The following ALG6 variants were observed in gnomAD, a reference collection of about 807,000 sequenced individuals.
ALG6 encodes ALG6 alpha-1,3-glucosyltransferase, also known as dolichyl pyrophosphate Man9GlcNAc2 alpha-1,3-glucosyltransferase.
Under a neutral mutation model 66.6 loss-of-function variants are expected in ALG6, and 46 were observed. That is an observed-to-expected ratio of 0.69 (90% confidence interval 0.55 to 0.88). The LOEUF is 0.88. Ranked by LOEUF, ALG6 falls within the 40% of genes least tolerant of loss-of-function variation. ALG6 has a pLI of 0.00. For missense variants in ALG6, 505 were observed against 586.8 expected (o/e 0.86, Z 1.44); for synonymous variants, 185 against 203.7 (o/e 0.91, Z 0.78).
At chr1:63,393,171 C>A (rs1223786364) in intron 2 of ALG6, among the ~76,000 whole-genome samples, 1 of 152,194 alleles carries the variant, frequency 6.6e-6, no homozygotes, top group Non-Finnish European at 1.5e-5. Context: ...AAGCCATATT[C>A]AATGGTTGTA....
chr1:63,406,825 G>A (rs1337000215), intron 6 of ALG6, among the ~76,000 whole-genome samples: 1 of 151,984 alleles, frequency 6.6e-6, no homozygotes, highest in East Asian at 1.9e-4. Flanking sequence ...TACTTCCTCT[G>A]ACAAAACCTT....
In ALG6 at chr1:63,396,581, T is replaced by A. The variant is rs758344353; in HGVS notation, c.151T>A (p.Leu51Ile). Residue 51 changes from leucine to isoleucine, a missense_variant, in exon 3 of 15, where the codon TTA becomes ATA. Transcript: ENST00000263440. ...ACACTGGCAAGAAATAACTTTTAAT[T>A]TACCGGTCAAACAATGGTATGATAA... is the stretch of plus-strand genomic sequence containing the variant. ...QRHWQEITFN[L>I]PVKQWYFNSS... is the part of the protein sequence containing the mutation. The A allele has an allele frequency of 4.3e-6, 7 of 1,613,618 alleles. No individual in the cohort carries two copies. In the Admixed American group the frequency reaches 1.2e-4, roughly 27 times the overall value.
rs1054975653 is a variant in ALG6 at position 63,433,277 on chromosome 1, A to G, written c.1327-3546A>G. Among the ~76,000 whole-genome samples, 2 of 152,198 alleles carry G rather than the reference A, an allele frequency of 1.3e-5. No individual in the cohort carries two copies. Among genetic ancestry groups the G allele is most frequent in the African/African-American group, 4.8e-5 (2 of 41,448 alleles). On this transcript the variant is annotated intron_variant, in intron 14 of 14. Coordinates refer to ENST00000263440, the MANE Select transcript of ALG6 (RefSeq NM_013339.4). This position sits in a 1 kb window ranked among gnomAD's most constrained non-coding sequence, Gnocchi z 4.2. ...ACTTATTTATATTTTTGAGTACTAC[A>G]TAGAGGATTGCCCAAAGTACCCAGA...
Position 63,370,985 on chromosome 1 carries a change from A to G in ALG6, c.8A>G (p.Lys3Arg). 1 of 1,606,668 alleles carries G rather than the reference A, an allele frequency of 6.2e-7. No homozygotes were observed. Among genetic ancestry groups the G allele is most frequent in the Non-Finnish European group, 8.5e-7 (1 of 1,173,262 alleles). The change falls in exon 2 of 15, where the codon AAA becomes AGA. Residue 3 changes from lysine to arginine, a missense_variant. Lys to Arg is a conservative substitution (Grantham distance 26, BLOSUM62 2). Coordinates refer to ENST00000263440, the MANE Select transcript of ALG6 (RefSeq NM_013339.4). The part of the protein sequence containing the change: ME[K>R]WYLMTVVVLI... ...CCCTAAATTTGAAGAACTATGGAGA[A>G]ATGGTACTTGATGACAGTAGTGGTT...
rs1252927721 is a variant in ALG6, at chr1:63,415,961, A to G, written c.987+4A>G. On this transcript the variant is annotated splice_donor_region_variant and intron_variant, in intron 11 of 14. Coordinates refer to ENST00000263440, the MANE Select transcript of ALG6 (RefSeq NM_013339.4). The stretch of plus-strand genomic sequence containing the variant: ...CAAAGGATTCAAATTTACACTGGTA[A>G]GTTTTTCATTACTTTAGATACTTAA... The G allele has an allele frequency of 6.3e-7, 1 of 1,581,702 alleles. No individual in the cohort carries two copies. The highest frequency in any genetic ancestry group is 1.4e-5 in the African/African-American group (1 of 74,002).
chr1:63,405,320 A>T (rs1344980525), intron 5 of ALG6, among the ~76,000 whole-genome samples: 1 of 152,076 alleles, frequency 6.6e-6, no homozygotes, highest in Admixed American at 6.6e-5. Context: ...CAATATCCAT[A>T]CTTGCAGGGA....
At chr1:63,399,667 T>A (rs556512293) in intron 3 of ALG6, among the ~76,000 whole-genome samples, 18 of 152,166 alleles carry the variant, frequency 1.2e-4, no homozygotes, top group African/African-American at 4.1e-4. Flanking sequence ...TGAAACTGTT[T>A]CAGGCTAAAA....
At position 63,414,055 on chromosome 1, in the gene ALG6, T is replaced by C. The variant is rs1322259385; in HGVS notation, c.817-6T>C. The C allele has an allele frequency of 5.6e-6, 9 of 1,599,850 alleles. No individual in the cohort carries two copies. The highest frequency in any genetic ancestry group is 7.7e-6 in the Non-Finnish European group (9 of 1,167,638). On this transcript the variant is annotated splice_polypyrimidine_tract_variant and splice_region_variant and intron_variant, in intron 9 of 14. Transcript: ENST00000263440. ...CAGAATGTAAAGCTAACAAATCTCT[T>C]TTAAGGATAAAGTAGCCAATATTTG...
intron 4 of ALG6, among the ~76,000 whole-genome samples, chr1:63,402,863 G>T (rs1433202566): frequency 2.0e-5 from 3 of 151,066 alleles, no homozygotes; most frequent in African/African-American, 4.9e-5. Context: ...GTGGGAGGCC[G>T]AGGCGGGCGG....
intron 3 of ALG6, among the ~76,000 whole-genome samples, chr1:63,397,097 C>T (rs1648847640): frequency 6.6e-6 from 1 of 151,782 alleles, no homozygotes; most frequent in Non-Finnish European, 1.5e-5. Flanking sequence ...TTTTGATTCA[C>T]CTTTGAATAC....
At position 63,400,237 on chromosome 1, in the gene ALG6, A is replaced by T. The variant is rs1294787439; in HGVS notation, c.168-2017A>T. Among the ~76,000 whole-genome samples the T allele has an allele frequency of 2.2e-4, 4 of 18,094 alleles. 2 individuals are homozygous for T. The highest frequency in any genetic ancestry group is 1.6e-3 in the African/African-American group (4 of 2,504). 11.9% of individuals were successfully genotyped at this position (18,094 alleles called of 152,430 possible). A position where few individuals can be genotyped will look rare whatever the true frequency, so the allele number is the denominator to read the frequency against. ...TATATATATACGTATATATATATAT[A>T]TATATACGTATATATATGTATATAT... On this transcript the variant is annotated intron_variant, in intron 3 of 14. Transcript: ENST00000263440.
At chr1:63,427,700 G>C (rs1044916909) in intron 12 of ALG6, among the ~76,000 whole-genome samples, 3 of 151,664 alleles carry the variant, frequency 2.0e-5, no homozygotes, top group Non-Finnish European at 2.9e-5. Context: ...CTCCTTCTTT[G>C]AGCATTGCCA....
chr1:63,407,669 A>G (rs1326024676), intron 7 of ALG6, among the ~76,000 whole-genome samples: 2 of 152,094 alleles, frequency 1.3e-5, no homozygotes, highest in African/African-American at 4.8e-5. Flanking sequence ...GTATATATCT[A>G]TCTAATTTGT....
intron 2 of ALG6, among the ~76,000 whole-genome samples, chr1:63,387,567 A>G (rs1400458274): frequency 1.5e-5 from 1 of 67,608 alleles, no homozygotes; most frequent in Non-Finnish European, 2.6e-5. Context: ...TTTGAGACAG[A>G]GTCTTGCTCT....
intron 12 of ALG6, among the ~76,000 whole-genome samples, chr1:63,423,563 G>A (rs2100434977): frequency 6.6e-6 from 1 of 152,158 alleles, no homozygotes; most frequent in South Asian, 2.1e-4. Flanking sequence ...GCAAATCTCT[G>A]TGGATTTGTC....
At chr1:63,403,087 T>G (rs12564207) in intron 4 of ALG6, among the ~76,000 whole-genome samples, 39,142 of 102,092 alleles carry the variant, frequency 0.38, 7,097 homozygotes, top group East Asian at 0.53. Context: ...AGAGTGAGAC[T>G]CCATCTCAAA....
chr1:63,393,963 A>G (rs969020608), intron 2 of ALG6, among the ~76,000 whole-genome samples: 4 of 152,224 alleles, frequency 2.6e-5, no homozygotes, highest in Admixed American at 2.6e-4. Flanking sequence ...CGTGTATACT[A>G]TGGTTAATTT....
chr1:63,419,705 AT>A (rs1229851397), intron 12 of ALG6, among the ~76,000 whole-genome samples: 1 of 152,214 alleles, frequency 6.6e-6, no homozygotes, highest in African/African-American at 2.4e-5. Flanking sequence ...CTAATAAAAA[AT>A]ATATCCTTCA....
chr1:63,380,079 A>G (rs1648255132), intron 2 of ALG6, among the ~76,000 whole-genome samples: 1 of 152,102 alleles, frequency 6.6e-6, no homozygotes, highest in African/African-American at 2.4e-5. Flanking sequence ...GAGAAGGGAG[A>G]ATGATTAAAG....
Sources: gnomAD v4.1 joint callset for allele counts (sites outside exome capture counted in the v4.1 genomes callset) on GRCh38, gnomAD v4.1.1 for gene constraint, Gnocchi (gnomAD v3.1) non-coding constraint, MANE v1.5 for transcripts, NCBI Gene and HGNC (gene_info 2026-07-23, HGNC 2026-07-21) for gene names.